ELK4: variants seen among roughly 807,000 people sequenced by gnomAD.
The protein encoded by ELK4 is ETS domain-containing protein Elk-4.
Under a neutral mutation model 29.6 loss-of-function variants are expected in ELK4, and 16 were observed. That is an observed-to-expected ratio of 0.54 (90% confidence interval 0.37 to 0.82). ELK4 has a LOEUF of 0.82. ELK4 is among the 40% of genes least tolerant of loss of function. The pLI, the probability that ELK4 is intolerant of heterozygous loss-of-function variation, is 0.00. For missense variants in ELK4, 465 were observed against 507.1 expected (o/e 0.92, Z 0.80); for synonymous variants, 213 against 191.1 (o/e 1.11, Z -0.95).
intron 1 of ELK4, among the ~76,000 whole-genome samples, chr1:205,627,112 A>G (rs1670480803): frequency 6.6e-6 from 1 of 152,210 alleles, no homozygotes; most frequent in Non-Finnish European, 1.5e-5. Context: ...CCAGACACAG[A>G]AAATAGATTA....
At position 205,614,855 on chromosome 1, in the gene ELK4, GGTA is replaced by G; in HGVS notation, c.*1688_*1690del. On this transcript the variant is annotated 3_prime_UTR_variant, in exon 5 of 5. Transcript: ENST00000357992. The stretch of plus-strand genomic sequence containing the variant: ...GTGGGAGAGATTGGTGGGGGAGGGT[GGTA>G]GTGGTGGTGAATGGTGACAACATAT... The G allele has an allele frequency of 4.4e-6, 1 of 226,790 alleles. No homozygotes were observed. Among genetic ancestry groups the G allele is most frequent in the Non-Finnish European group, 8.8e-6 (1 of 113,980 alleles). The allele number at this position is 226,790 out of a possible 1,614,324, so 14.0% of individuals were successfully genotyped here. A position where few individuals can be genotyped will look rare whatever the true frequency, so the allele number is the denominator to read the frequency against.
At chr1:205,625,497 C>T (rs755746431) in intron 1 of ELK4, 3 of 715,838 alleles carry the variant, frequency 4.2e-6, no homozygotes, top group Non-Finnish European at 7.8e-6. Context: ...AATTCGTGTA[C>T]AAAGAAGAGC....
chr1:205,608,302 A>T lies in ELK4; in HGVS notation c.*8244T>A, dbSNP rs140225200. 78 of 196,722 alleles carry T rather than the reference A, an allele frequency of 4.0e-4. No homozygotes were observed. The highest frequency in any genetic ancestry group is 1.7e-3 in the African/African-American group (75 of 43,386). The allele number at this position is 196,722 out of a possible 1,614,324, so 12.2% of individuals were successfully genotyped here. A position where few individuals can be genotyped will look rare whatever the true frequency, so the allele number is the denominator to read the frequency against. ...ACACATTTTTTTTTTCAAGCAGCAT[A>T]TTATTATAAAGCCCTCAAAGTGCTT... On this transcript the variant is annotated 3_prime_UTR_variant, in exon 5 of 5. Transcript: ENST00000357992.
At chr1:205,627,925 C>A (rs1322418148) in intron 1 of ELK4, among the ~76,000 whole-genome samples, 1 of 152,174 alleles carries the variant, frequency 6.6e-6, no homozygotes, top group African/African-American at 2.4e-5. Flanking sequence ...AGAGATGCTG[C>A]CCACAGTCAG....
chr1:205,617,648 T>C (rs1163399816), intron 4 of ELK4, among the ~76,000 whole-genome samples: 3 of 151,752 alleles, frequency 2.0e-5, no homozygotes, highest in African/African-American at 7.3e-5. Flanking sequence ...ATGCCTGTAA[T>C]CCCAGCACTT....
At position 205,631,894 on chromosome 1, in the gene ELK4, T is replaced by C. The variant is rs1670601141; in HGVS notation, c.-272A>G. 1 of 149,256 alleles carries C rather than the reference T, an allele frequency of 6.7e-6. No individual in the cohort carries two copies. The highest frequency in any genetic ancestry group is 6.7e-5 in the Admixed American group (1 of 15,018). 9.2% of individuals were successfully genotyped at this position (149,256 alleles called of 1,614,324 possible). A position where few individuals can be genotyped will look rare whatever the true frequency, so the allele number is the denominator to read the frequency against. ...GCGGCGGCGCGGGTCTTGGGGCCGC[T>C]ACACGCCGGGCGCGCGCGTTCGGGG... On this transcript the variant is annotated 5_prime_UTR_variant, in exon 1 of 5. Transcript: ENST00000357992.
At chr1:205,623,604 T>C (rs1670395864) in intron 2 of ELK4, 72 bp downstream of exon 2, 1 of 1,561,628 alleles carries the variant, frequency 6.4e-7, no homozygotes, top group Non-Finnish European at 8.8e-7. Flanking sequence ...CGTGAGCCAC[T>C]GTGCCCAGCC....
intron 3 of ELK4, chr1:205,619,340 T>G (rs1670287672): frequency 9.3e-7 from 1 of 1,071,578 alleles, no homozygotes; most frequent in Non-Finnish European, 1.1e-6. Flanking sequence ...GGATGAGTTC[T>G]TTGGTGGTAA....
chr1:205,619,284 T>A, intron 3 of ELK4: 1 of 1,056,364 alleles, frequency 9.5e-7, no homozygotes, highest in East Asian at 4.4e-5. Flanking sequence ...TTTTTTAAAT[T>A]TTTATTTCAA....
In ELK4 at chr1:205,609,664, G is replaced by C. The variant is rs1670125390; in HGVS notation, c.*6882C>G. ...CAAGTAACAAAACAATGAAATGTCAGGATTGTGTCCCCTACACAATAGACA... is the reference window on the plus strand; with the variant it reads ...CAAGTAACAAAACAATGAAATGTCACGATTGTGTCCCCTACACAATAGACA... On this transcript the variant is annotated 3_prime_UTR_variant, in exon 5 of 5. Transcript: ENST00000357992. The C allele has an allele frequency of 9.7e-6, 2 of 206,152 alleles. No homozygotes were observed. The highest frequency in any genetic ancestry group is 3.8e-4 in the South Asian group (2 of 5,280). The allele number at this position is 206,152 out of a possible 1,614,324, so 12.8% of individuals were successfully genotyped here. A position where few individuals can be genotyped will look rare whatever the true frequency, so the allele number is the denominator to read the frequency against.
Position 205,613,576 on chromosome 1 carries a change from A to G in ELK4, c.*2970T>C. 5.5e-6 allele frequency: 1 copy of G among 180,406 alleles called. No individual in the cohort carries two copies. The highest frequency in any genetic ancestry group is 9.2e-5 in the East Asian group (1 of 10,880). The allele number at this position is 180,406 out of a possible 1,614,324, so 11.2% of individuals were successfully genotyped here. ...CAGCCACAGGAGGAGTAACTAATTT[A>G]TATCAAAGAATTTGATATAAAATTC... On this transcript the variant is annotated 3_prime_UTR_variant, in exon 5 of 5. Transcript: ENST00000357992.
In ELK4 at chr1:205,620,412, G is replaced by A. The variant is rs1670314359; in HGVS notation, c.634C>T (p.Pro212Ser). ...EPVAATISIG[P>S]SISPSSEETI... ...TCTTCTGAAGATGGAGAAATACTTGGGCCAATTGAAATGGTGGCAGCAACA... is the reference window on the plus strand; with the variant it reads ...TCTTCTGAAGATGGAGAAATACTTGAGCCAATTGAAATGGTGGCAGCAACA... Residue 212 changes from proline to serine, a missense_variant, in exon 3 of 5, where the codon CCA becomes TCA. Pro to Ser is a moderately conservative substitution (Grantham distance 74). Around this residue, in one of 2 missense-constraint regions of ELK4, gnomAD observed 385 missense variants for 387.5 expected, o/e 0.99. Transcript: ENST00000357992. 2 of 1,614,098 alleles carry A rather than the reference G, an allele frequency of 1.2e-6. No homozygotes were observed. The highest frequency in any genetic ancestry group is 2.2e-5 in the East Asian group (1 of 44,880).
intron 4 of ELK4, 65 bp downstream of exon 4, chr1:205,618,892 G>T: frequency 8.3e-7 from 1 of 1,199,396 alleles, no homozygotes; most frequent in Non-Finnish European, 1.2e-6. Context: ...GTGGGACCCT[G>T]CCTTTTTGCC....
chr1:205,617,982 T>A (rs532295246), intron 4 of ELK4, among the ~76,000 whole-genome samples: 4 of 135,782 alleles, frequency 2.9e-5, no homozygotes, highest in African/African-American at 1.1e-4. Context: ...TGTGTGTGTG[T>A]GTGAGAGAGA....
At position 205,609,061 on chromosome 1, in the gene ELK4, C is replaced by T. The variant is rs1309154755; in HGVS notation, c.*7485G>A. 1 of 188,360 alleles carries T rather than the reference C, an allele frequency of 5.3e-6. No individual in the cohort carries two copies. The highest frequency in any genetic ancestry group is 2.3e-5 in the African/African-American group (1 of 42,858). The allele number at this position is 188,360 out of a possible 1,614,324, so 11.7% of individuals were successfully genotyped here. A position where few individuals can be genotyped will look rare whatever the true frequency, so the allele number is the denominator to read the frequency against. On this transcript the variant is annotated 3_prime_UTR_variant, in exon 5 of 5. Transcript: ENST00000357992. ...TTGACGGTTCAGAAACTGCCACTGCCACTGTGGTTAAATCACTTGGTGTAT... is the reference window on the plus strand; with the variant it reads ...TTGACGGTTCAGAAACTGCCACTGCTACTGTGGTTAAATCACTTGGTGTAT...
At chr1:205,619,288 A>G (rs1441874509) in intron 3 of ELK4, 3 of 1,047,004 alleles carry the variant, frequency 2.9e-6, no homozygotes, top group Non-Finnish European at 3.5e-6. Context: ...TTAAATTTTT[A>G]TTTCAATAGT....
rs1410922863 is a variant in ELK4 at position 205,614,368 on chromosome 1, T to A, written c.*2178A>T. The A allele has an allele frequency of 1.3e-5, 3 of 226,000 alleles. No individual in the cohort carries two copies. The Admixed American group carries it at 1.7e-4, about 13-fold the overall frequency. 14.0% of individuals were successfully genotyped at this position (226,000 alleles called of 1,614,324 possible). ...CATCTAGTTAAATCAACCATCTATA[T>A]CTACTTATTTAATGTACAAAATGTT... On this transcript the variant is annotated 3_prime_UTR_variant, in exon 5 of 5. Coordinates refer to ENST00000357992, the MANE Select transcript of ELK4 (RefSeq NM_001973.4).
At chr1:205,629,105 A>G (rs1405276011) in intron 1 of ELK4, among the ~76,000 whole-genome samples, 6 of 142,628 alleles carry the variant, frequency 4.2e-5, no homozygotes, top group Non-Finnish European at 9.0e-5. Flanking sequence ...CGAGAGGCGG[A>G]GCTTGCAGTG....
At chr1:205,628,126 A>C (rs1670502827) in intron 1 of ELK4, among the ~76,000 whole-genome samples, 1 of 152,226 alleles carries the variant, frequency 6.6e-6, no homozygotes. Context: ...CCAAATAACC[A>C]TGCCCGCTAG....
Sources: gnomAD v4.1 joint callset for allele counts (sites outside exome capture counted in the v4.1 genomes callset) on GRCh38, gnomAD v4.1.1 for gene constraint, gnomAD v4.1.1 regional missense constraint, MANE v1.5 for transcripts, NCBI Gene and HGNC (gene_info 2026-07-23, HGNC 2026-07-21) for gene names.